The following UBE2C variants were observed in gnomAD, a reference collection of about 807,000 sequenced individuals.
UBE2C encodes ubiquitin-conjugating enzyme E2 C.
In UBE2C, 16 loss-of-function variants were observed where a neutral mutation model predicts 23.5. That is an observed-to-expected ratio of 0.68 (90% CI 0.46 to 1.03). The LOEUF (loss-of-function observed/expected upper bound fraction) is 1.03, where lower values mean the gene tolerates loss of function less well. Among genes scored for constraint, UBE2C ranks in the 50% least tolerant of loss-of-function variants. UBE2C has a pLI of 0.00. For missense variants in UBE2C, 192 were observed against 227.6 expected (o/e 0.84, Z 1.01); for synonymous variants, 76 against 91.6 (o/e 0.83, Z 0.97).
In UBE2C at chr20:45,812,662, T is replaced by G; in HGVS notation, c.-34T>G. Reference sequence around the variant, plus strand: ...CAGTCCTGCAGTTGCAGTCGTGTTCTCCGAGTTCCTGTCTCTCTGCCAACG... The same window carrying G: ...CAGTCCTGCAGTTGCAGTCGTGTTCGCCGAGTTCCTGTCTCTCTGCCAACG... On this transcript the variant is annotated 5_prime_UTR_variant, in exon 1 of 6. Coordinates refer to ENST00000356455, the MANE Select transcript of UBE2C (RefSeq NM_007019.4). The G allele has an allele frequency of 6.5e-7, 1 of 1,550,030 alleles. No homozygotes were observed. Among genetic ancestry groups the G allele is most frequent in the East Asian group, 2.4e-5 (1 of 40,906 alleles).
chr20:45,816,665 A>T (rs1274053288), intron 5 of UBE2C, 44 bp from the exon 6 acceptor site: 1 of 1,565,678 alleles, frequency 6.4e-7, no homozygotes, highest in Admixed American at 1.8e-5. Flanking sequence ...AGATTAACTC[A>T]TCCTGTCTCC....
intron 2 of UBE2C, 43 bp from the exon 3 acceptor site, chr20:45,814,341 C>G: frequency 1.3e-6 from 2 of 1,523,700 alleles, no homozygotes; most frequent in Non-Finnish European, 1.8e-6. Flanking sequence ...TTGCTATGCC[C>G]AAAAGTGTAC....
Position 45,814,228 on chromosome 20 carries a change from ATG to A in UBE2C, c.130-146_130-145del, listed in dbSNP as rs1216169417. 3.5e-3 allele frequency among the ~76,000 whole-genome samples: 422 copies of A among 119,468 alleles called. 5 individuals carry two copies. Among genetic ancestry groups the A allele is most frequent in the African/African-American group, 0.012 (408 of 34,514 alleles). 78.4% of individuals were successfully genotyped at this position (119,468 alleles called of 152,430 possible). A position where few individuals can be genotyped will look rare whatever the true frequency, so the allele number is the denominator to read the frequency against. On this transcript the variant is annotated intron_variant, in intron 2 of 5. Coordinates refer to ENST00000356455, the MANE Select transcript of UBE2C (RefSeq NM_007019.4). ...ATATCTCATATATATACACATATATATGTGTGTGTGTATACATATATATGTGT... is the reference window on the plus strand; with the variant it reads ...ATATCTCATATATATACACATATATATGTGTGTGTATACATATATATGTGT...
Position 45,812,931 on chromosome 20 carries a change from G to T in UBE2C, c.101+135G>T, listed in dbSNP as rs530811907. On this transcript the variant is annotated intron_variant, in intron 1 of 5. Coordinates refer to ENST00000356455, the MANE Select transcript of UBE2C (RefSeq NM_007019.4). ...CTGCGGGTGCAGGAGAACACACCAG[G>T]AGCTCGGGGCCTGGCATTCCCCTGG... 9.8e-6 allele frequency: 14 copies of T among 1,433,110 alleles called. No homozygotes were observed. The African/African-American group carries it at 1.0e-4, about 10-fold the overall frequency. 88.8% of individuals were successfully genotyped at this position (1,433,110 alleles called of 1,614,324 possible).
chr20:45,815,388 A>T, intron 3 of UBE2C, 153 bp from the exon 4 acceptor site: 2 of 1,580,876 alleles, frequency 1.3e-6, no homozygotes, highest in Non-Finnish European at 1.7e-6. Flanking sequence ...CTTTTTAAAA[A>T]GGCAGTGGGG....
At chr20:45,815,311 G>C in intron 3 of UBE2C, 1 of 1,459,978 alleles carries the variant, frequency 6.8e-7, no homozygotes, top group Non-Finnish European at 9.2e-7. Flanking sequence ...ATGAGCCCAG[G>C]AGTTTGAGAC....
intron 1 of UBE2C, 87 bp downstream of exon 1, chr20:45,812,883 C>T: frequency 6.8e-7 from 1 of 1,460,350 alleles, no homozygotes; most frequent in South Asian, 1.4e-5. Context: ...CACCCCCCGC[C>T]GCCACCTCCT....
At chr20:45,814,628 A>G (rs1814803590) in intron 3 of UBE2C, among the ~76,000 whole-genome samples, 158 bp downstream of exon 3, 1 of 152,098 alleles carries the variant, frequency 6.6e-6, no homozygotes, top group Admixed American at 6.6e-5. Flanking sequence ...CCTCTGTGCA[A>G]TAAAGGGTGG....
At chr20:45,813,528 G>A in intron 2 of UBE2C, 64 bp downstream of exon 2, 1 of 1,610,802 alleles carries the variant, frequency 6.2e-7, no homozygotes. Context: ...CCTTTTTTCC[G>A]TCAGCTTTTT....
chr20:45,813,447 G>C lies in UBE2C; in HGVS notation c.112G>C (p.Glu38Gln). ...ATACTCTTTTTTCAGGCTACAGCAG[G>C]AGCTGATGACCCTCATGGTGAGTGA... ...RGPVGKRLQQELMTLMMSGDK... is the reference protein window; with the variant it reads ...RGPVGKRLQQQLMTLMMSGDK... The change falls in exon 2 of 6, where the codon GAG becomes CAG. Residue 38 changes from glutamate to glutamine, a missense_variant. Glu to Gln is a conservative substitution (Grantham distance 29). Transcript: ENST00000356455. 6.2e-7 allele frequency: 1 copy of C among 1,614,144 alleles called. No individual in the cohort carries two copies. The highest frequency in any genetic ancestry group is 8.5e-7 in the Non-Finnish European group (1 of 1,180,030).
At chr20:45,814,624 T>G (rs899846542) in intron 3 of UBE2C, among the ~76,000 whole-genome samples, 154 bp downstream of exon 3, 4 of 151,190 alleles carry the variant, frequency 2.6e-5, no homozygotes, top group Non-Finnish European at 5.9e-5. Flanking sequence ...TTTCCCTCTG[T>G]GCAATAAAGG....
Position 45,816,625 on chromosome 20 carries a change from A to C in UBE2C, c.482-84A>C, listed in dbSNP as rs1423569553. 6 of 1,308,906 alleles carry C rather than the reference A, an allele frequency of 4.6e-6. No homozygotes were observed. In the Admixed American group the frequency reaches 5.5e-5, roughly 12 times the overall value. 81.1% of individuals were successfully genotyped at this position (1,308,906 alleles called of 1,614,324 possible). Reference sequence around the variant, plus strand: ...GCACTCCAGCTTGGTCAACAGAGTGAGACTCCATCTCAAAAATAATAAATA... The same window carrying C: ...GCACTCCAGCTTGGTCAACAGAGTGCGACTCCATCTCAAAAATAATAAATA... On this transcript the variant is annotated intron_variant, in intron 5 of 5. Transcript: ENST00000356455.
In UBE2C at chr20:45,815,621, C is replaced by CA; in HGVS notation, c.298dup (p.Thr100AsnfsTer13). ...ACAATGCGCCCACAGTGAAGTTCCTCACGCCCTGCTATCACCCCAACGTGG... is the reference window on the plus strand; with the variant it reads ...ACAATGCGCCCACAGTGAAGTTCCTCAACGCCCTGCTATCACCCCAACGTGG... On this transcript the variant is annotated frameshift_variant, in exon 4 of 6. Transcript: ENST00000356455. LOFTEE classifies it high-confidence loss of function. 3 of 1,614,150 alleles carry CA rather than the reference C, an allele frequency of 1.9e-6. No homozygotes were observed. The highest frequency in any genetic ancestry group is 2.5e-6 in the Non-Finnish European group (3 of 1,180,024).
At chr20:45,814,329 C>G (rs1982276971) in intron 2 of UBE2C, 55 bp from the exon 3 acceptor site, 4 of 1,346,666 alleles carry the variant, frequency 3.0e-6, no homozygotes, top group South Asian at 1.3e-5. Flanking sequence ...ACCCACTGAC[C>G]TTTGCTATGC....
intron 3 of UBE2C, among the ~76,000 whole-genome samples, chr20:45,815,152 A>C (rs1293122151): frequency 6.6e-6 from 1 of 152,020 alleles, no homozygotes; most frequent in Admixed American, 6.6e-5. Flanking sequence ...CTAATATTCT[A>C]ATTGAACTAA....
rs1458645191 is a variant in UBE2C, at chr20:45,816,868, G to A, written c.*101G>A. The A allele has an allele frequency of 9.7e-7, 1 of 1,029,478 alleles. No individual in the cohort carries two copies. Among genetic ancestry groups the A allele is most frequent in the South Asian group, 1.6e-5 (1 of 60,640 alleles). 63.8% of individuals were successfully genotyped at this position (1,029,478 alleles called of 1,614,324 possible). On this transcript the variant is annotated 3_prime_UTR_variant, in exon 6 of 6. Coordinates refer to ENST00000356455, the MANE Select transcript of UBE2C (RefSeq NM_007019.4). Reference sequence around the variant, plus strand: ...TATAGGACTCTTTATCTTGAGCTGTGGTATTTTTGTTTTGTTTTTGTCTTT... The same window carrying A: ...TATAGGACTCTTTATCTTGAGCTGTAGTATTTTTGTTTTGTTTTTGTCTTT...
At chr20:45,813,517 T>C in intron 2 of UBE2C, 53 bp downstream of exon 2, 1 of 1,613,038 alleles carries the variant, frequency 6.2e-7, no homozygotes, top group Non-Finnish European at 8.5e-7. Flanking sequence ...TTCAGTAGCC[T>C]CCTTTTTTCC....
chr20:45,815,539 A>C lies in UBE2C; in HGVS notation c.217-2A>C. The C allele has an allele frequency of 6.2e-7, 1 of 1,614,114 alleles. No individual in the cohort carries two copies. Among genetic ancestry groups the C allele is most frequent in the Non-Finnish European group, 8.5e-7 (1 of 1,180,006 alleles). The stretch of plus-strand genomic sequence containing the variant: ...CTCTGCAACTGTTTCTCCAAATGCC[A>C]GGTATATGAAGACCTGAGGTATAAG... On this transcript the variant is annotated splice_acceptor_variant, in intron 3 of 5. Transcript: ENST00000356455. LOFTEE classifies it high-confidence loss of function.
intron 2 of UBE2C, 87 bp from the exon 3 acceptor site, chr20:45,814,297 T>TATATATATATATATATATATATATAA (rs1173612849): frequency 2.6e-6 from 1 of 390,200 alleles, no homozygotes; most frequent in Non-Finnish European, 4.2e-6. Flanking sequence ...TATATATATA[T>TATATATATATATATATATATATATAA]ATAAAATTAA....
Sources: allele counts gnomAD v4.1 joint callset (sites outside exome capture counted in the v4.1 genomes callset), GRCh38; gene constraint gnomAD v4.1.1; transcripts MANE v1.5; gene names NCBI Gene and HGNC (gene_info 2026-07-23, HGNC 2026-07-21).